The following POP1 variants were observed in gnomAD, a reference collection of about 807,000 sequenced individuals.
POP1 encodes POP1 ribonuclease P/MRP subunit.
Under a neutral mutation model 102.2 loss-of-function variants are expected in POP1, and 75 were observed. That is an observed-to-expected ratio of 0.73 (90% CI 0.61 to 0.89). POP1 has a LOEUF of 0.89. POP1 is among the 40% of genes least tolerant of loss of function. The pLI, the probability that POP1 is intolerant of heterozygous loss-of-function variation, is 0.00. For missense variants in POP1, 1,116 were observed against 1,267.4 expected, an observed-to-expected ratio of 0.88 and a Z score of 1.81; for synonymous variants, 436 against 464.1, an observed-to-expected ratio of 0.94 and a Z score of 0.78.
intron 14 of POP1, among the ~76,000 whole-genome samples, chr8:98,151,293 G>T (rs894020865): frequency 2.6e-5 from 4 of 152,174 alleles, no homozygotes; most frequent in Non-Finnish European, 5.9e-5. Context: ...TGTTGCCCAG[G>T]CTGGTCTCGA....
intron 14 of POP1, among the ~76,000 whole-genome samples, chr8:98,155,767 G>GA (rs1229460973): frequency 2.9e-4 from 43 of 150,300 alleles, no homozygotes; most frequent in African/African-American, 9.3e-4. Context: ...TTTTAGTAGA[G>GA]CTTTCACCAT....
intron 1 of POP1, among the ~76,000 whole-genome samples, chr8:98,119,335 C>G (rs1465762134): frequency 1.3e-5 from 2 of 152,168 alleles, no homozygotes; most frequent in Non-Finnish European, 2.9e-5. Flanking sequence ...GAATCACCAA[C>G]TTTTTAGATC....
intron 12 of POP1, among the ~76,000 whole-genome samples, chr8:98,147,329 A>T (rs1433344639): frequency 2.0e-5 from 3 of 152,224 alleles, no homozygotes; most frequent in Admixed American, 6.5e-5. Context: ...TCAAGGTTTC[A>T]GTGAAGATAA....
chr8:98,146,752 A>G, intron 12 of POP1, 69 bp downstream of exon 12: 2 of 1,181,672 alleles, frequency 1.7e-6, no homozygotes, highest in Non-Finnish European at 2.5e-6. Context: ...TCTAGAGACC[A>G]TAAAAAGTTA....
At position 98,130,665 on chromosome 8, in the gene POP1, A is replaced by G. The variant is rs574456634; in HGVS notation, c.735+439A>G. On this transcript the variant is annotated intron_variant, in intron 5 of 15. Transcript: ENST00000401707. ...CATCAGGGCAAGGTTAGCCTAGAGA[A>G]AAGAGTAGGAACCAGGTCGTGCAGG... Among the ~76,000 whole-genome samples, 4 of 152,330 alleles carry G rather than the reference A, an allele frequency of 2.6e-5. No individual in the cohort carries two copies. The South Asian group carries it at 8.3e-4, about 32-fold the overall frequency.
intron 14 of POP1, among the ~76,000 whole-genome samples, chr8:98,155,645 G>C (rs1809625857): frequency 6.6e-6 from 1 of 151,908 alleles, no homozygotes; most frequent in Non-Finnish European, 1.5e-5. Context: ...GCAATGGTGT[G>C]ATCTCAGCTC....
At chr8:98,154,820 A>T (rs756570249) in intron 14 of POP1, among the ~76,000 whole-genome samples, 8 of 152,246 alleles carry the variant, frequency 5.3e-5, no homozygotes, top group Non-Finnish European at 1.2e-4. Context: ...CAAGATACAC[A>T]GCCTATTAAA....
chr8:98,156,076 A>T lies in POP1; in HGVS notation c.2084A>T (p.Tyr695Phe). Residue 695 changes from tyrosine to phenylalanine, a missense_variant, in exon 15 of 16, where the codon TAC (tyrosine) becomes TTC (phenylalanine). Tyr to Phe is a conservative substitution (Grantham distance 22, BLOSUM62 3). Transcript: ENST00000401707. ...CGCCCTCCTGCAAAACGGCCCAACT[A>T]CGTTAAGCTTGGCACTCTGGCACCT... ...KRRPPAKRPN[Y>F]VKLGTLAPFC... 3.1e-6 allele frequency: 5 copies of T among 1,613,804 alleles called. No homozygotes were observed. The highest frequency in any genetic ancestry group is 4.2e-6 in the Non-Finnish European group (5 of 1,179,990).
rs115090513 is a variant in POP1, at chr8:98,131,180, C to T, written c.735+954C>T. Among the ~76,000 whole-genome samples, 572 of 152,334 alleles carry T rather than the reference C, an allele frequency of 3.8e-3. 6 individuals are homozygous for T. The highest frequency in any genetic ancestry group is 0.013 in the African/African-American group (529 of 41,580). The stretch of plus-strand genomic sequence containing the variant: ...AGTTCTGTGGCATTAAGTACGTTTA[C>T]GTTGTGTAATCAGTACCACCATCCA... On this transcript the variant is annotated intron_variant, in intron 5 of 15. Transcript: ENST00000401707.
chr8:98,129,656 A>G (rs1816318954), intron 4 of POP1, among the ~76,000 whole-genome samples: 1 of 152,172 alleles, frequency 6.6e-6, no homozygotes, highest in Non-Finnish European at 1.5e-5. Context: ...CTTGCCCTCT[A>G]ATACTAATAG....
Position 98,134,653 on chromosome 8 carries a change from T to G in POP1, c.1005T>G (p.Leu335=), listed in dbSNP as rs1463470668. The change falls in exon 7 of 16, where the codon CTT becomes CTG. Residue 335 remains leucine (L), a synonymous_variant. Coordinates refer to ENST00000401707, the MANE Select transcript of POP1 (RefSeq NM_001145860.2). ...TGTGGATCTGGCTGCATCCAACCCTTAAACAGGTATAATCCTTCAGGTTAT... is the reference window on the plus strand; with the variant it reads ...TGTGGATCTGGCTGCATCCAACCCTGAAACAGGTATAATCCTTCAGGTTAT... ...RQLWIWLHPT[L]KQDILEEIKA... is the part of the protein sequence containing the mutation. 1.2e-6 allele frequency: 2 copies of G among 1,609,350 alleles called. No individual in the cohort carries two copies. Among genetic ancestry groups the G allele is most frequent in the Non-Finnish European group, 1.7e-6 (2 of 1,175,662 alleles).
intron 3 of POP1, among the ~76,000 whole-genome samples, 161 bp from the exon 4 acceptor site, chr8:98,128,204 C>T (rs772361733): frequency 2.6e-5 from 4 of 152,122 alleles, no homozygotes; most frequent in South Asian, 2.1e-4. Context: ...CAATTAAACC[C>T]TATATTCCTT....
chr8:98,126,987 A>G (rs1012489006), intron 2 of POP1, among the ~76,000 whole-genome samples: 19 of 152,158 alleles, frequency 1.2e-4, no homozygotes, highest in African/African-American at 4.6e-4. Flanking sequence ...TAACAAATGT[A>G]TTTCTCACAG....
chr8:98,141,997 T>G (rs1816717982), intron 11 of POP1, among the ~76,000 whole-genome samples: 1 of 152,190 alleles, frequency 6.6e-6, no homozygotes, highest in Non-Finnish European at 1.5e-5. Context: ...TAGTTAATTA[T>G]GAAGCCTAAG....
At chr8:98,153,533 C>CTTTTTTTTTTTTTTT (rs747984872) in intron 14 of POP1, among the ~76,000 whole-genome samples, 4 of 85,488 alleles carry the variant, frequency 4.7e-5, no homozygotes, top group Non-Finnish European at 8.5e-5. Flanking sequence ...AGTTCTGACT[C>CTTTTTTTTTTTTTTT]TTTTTTTTTT....
chr8:98,154,352 T>C (rs1342746235), intron 14 of POP1, among the ~76,000 whole-genome samples: 7 of 152,178 alleles, frequency 4.6e-5, no homozygotes, highest in Admixed American at 3.9e-4. Flanking sequence ...GTGAGCCATC[T>C]AGGCTGATGA....
intron 2 of POP1, among the ~76,000 whole-genome samples, chr8:98,123,817 C>G (rs945109191): frequency 6.6e-6 from 1 of 151,836 alleles, no homozygotes; most frequent in Non-Finnish European, 1.5e-5. Context: ...TCTCCACTCC[C>G]ATTTTGATCA....
intron 9 of POP1, among the ~76,000 whole-genome samples, chr8:98,139,043 G>A (rs1161890909): frequency 1.3e-5 from 2 of 151,862 alleles, no homozygotes. Flanking sequence ...TTTAGTAGCG[G>A]TTTCACTATG....
At chr8:98,122,469 C>T (rs1233089713) in intron 1 of POP1, among the ~76,000 whole-genome samples, 1 of 152,168 alleles carries the variant, frequency 6.6e-6, no homozygotes, top group East Asian at 1.9e-4. Flanking sequence ...GTATAGGGCC[C>T]TTCGGATTTC....
Sources: gnomAD v4.1 joint callset for allele counts (sites outside exome capture counted in the v4.1 genomes callset) on GRCh38, gnomAD v4.1.1 for gene constraint, MANE v1.5 for transcripts, NCBI Gene and HGNC (gene_info 2026-07-23, HGNC 2026-07-21) for gene names.